NEBL: variants seen among roughly 807,000 people sequenced by gnomAD.
NEBL encodes the protein nebulette.
Under a neutral mutation model 140.2 loss-of-function variants are expected in NEBL, and 122 were observed. That is an observed-to-expected ratio of 0.87 (90% CI 0.75 to 1.01). The LOEUF is 1.01. Ranked by LOEUF, NEBL falls within the 50% of genes least tolerant of loss-of-function variation. NEBL has a pLI of 0.00. For missense variants in NEBL, 1,365 were observed against 1,231.3 expected (o/e 1.11, Z -1.62); for synonymous variants, 436 against 398.9 (o/e 1.09, Z -1.11).
chr10:21,112,119 G>C (rs1838042808), intron 2 of NEBL, among the ~76,000 whole-genome samples: 1 of 152,212 alleles, frequency 6.6e-6, no homozygotes, highest in African/African-American at 2.4e-5. Flanking sequence ...TGGAGAAATA[G>C]GAATGCTTTT....
intron 2 of NEBL, among the ~76,000 whole-genome samples, chr10:21,096,488 A>ACTGT (rs748408440): frequency 7.2e-4 from 102 of 141,578 alleles, no homozygotes; most frequent in Non-Finnish European, 8.3e-4. Flanking sequence ...CTTGGTTTTG[A>ACTGT]GTGTGTGTGT....
intron 3 of NEBL, among the ~76,000 whole-genome samples, chr10:21,235,594 C>T (rs895134762): frequency 2.0e-5 from 3 of 152,130 alleles, no homozygotes; most frequent in East Asian, 3.9e-4. Flanking sequence ...GGATAACAGG[C>T]GTAAGCCACT....
intron 3 of NEBL, among the ~76,000 whole-genome samples, chr10:21,017,971 C>T (rs1417552405): frequency 3.9e-5 from 6 of 152,116 alleles, no homozygotes; most frequent in Admixed American, 2.6e-4. Context: ...CAGGCATCCG[C>T]CACCACTCCC....
At chr10:21,221,143 G>A (rs946435482) in intron 3 of NEBL, among the ~76,000 whole-genome samples, 3 of 152,112 alleles carry the variant, frequency 2.0e-5, no homozygotes, top group Admixed American at 1.3e-4. Context: ...GACAGGGAGA[G>A]ACTCTACCTC....
chr10:21,199,918 C>T (rs1841706732), intron 3 of NEBL, among the ~76,000 whole-genome samples: 1 of 152,042 alleles, frequency 6.6e-6, no homozygotes, highest in Non-Finnish European at 1.5e-5. Flanking sequence ...TTATTGAACA[C>T]AGAGCTGGGG....
At chr10:20,918,265 G>A (rs186738072) in intron 4 of NEBL, among the ~76,000 whole-genome samples, 1 of 152,282 alleles carries the variant, frequency 6.6e-6, no homozygotes, top group Admixed American at 6.5e-5. Context: ...GGCTGAGGCA[G>A]GAGAATCGCT....
At chr10:21,092,677 G>A (rs559973526) in intron 2 of NEBL, among the ~76,000 whole-genome samples, 169 of 151,338 alleles carry the variant, frequency 1.1e-3, no homozygotes, top group Middle Eastern at 6.9e-3. Context: ...TAGCCAACAG[G>A]CCTTACTAAT....
chr10:21,219,752 T>A (rs1426336956), intron 3 of NEBL, among the ~76,000 whole-genome samples: 1 of 152,208 alleles, frequency 6.6e-6, no homozygotes, highest in East Asian at 1.9e-4. Context: ...TGTGTTCTCT[T>A]CAACTACCTT....
At chr10:20,931,174 T>C (rs938890151) in intron 4 of NEBL, among the ~76,000 whole-genome samples, 3 of 152,250 alleles carry the variant, frequency 2.0e-5, no homozygotes, top group African/African-American at 4.8e-5. Flanking sequence ...AAAATTTCAT[T>C]GGGAAGATGT....
At chr10:21,215,323 T>C (rs1252047971) in intron 3 of NEBL, among the ~76,000 whole-genome samples, 1 of 152,100 alleles carries the variant, frequency 6.6e-6, no homozygotes, top group Non-Finnish European at 1.5e-5. Flanking sequence ...AAAAAGAGTT[T>C]TTAAAAGATC....
At chr10:21,063,387 A>G (rs1315792933) in intron 2 of NEBL, among the ~76,000 whole-genome samples, 3 of 152,192 alleles carry the variant, frequency 2.0e-5, no homozygotes, top group Non-Finnish European at 4.4e-5. Context: ...TTAATCACTA[A>G]TAGTCACGAG....
At chr10:21,074,783 G>GAT (rs879704483) in intron 2 of NEBL, among the ~76,000 whole-genome samples, 1 of 143,596 alleles carries the variant, frequency 7.0e-6, no homozygotes, top group Non-Finnish European at 1.5e-5. Flanking sequence ...TGGCCATATA[G>GAT]ATATATATAT....
chr10:20,807,788 T>G (rs1837742060), intron 26 of NEBL, among the ~76,000 whole-genome samples: 1 of 152,150 alleles, frequency 6.6e-6, no homozygotes, highest in Non-Finnish European at 1.5e-5. Context: ...ATAACTGCAA[T>G]GAGGTGAGGA....
In NEBL at chr10:21,040,645, C is replaced by T. The variant is rs183874852; in HGVS notation, c.165-20444G>A. Among the ~76,000 whole-genome samples the T allele has an allele frequency of 2.7e-3, 413 of 152,320 alleles. 2 individuals carry two copies. The highest frequency in any genetic ancestry group is 4.5e-3 in the Non-Finnish European group (303 of 68,020). Reference sequence around the variant, plus strand: ...ATGACCCAAACACCTCCCACCAAACCCCACTACCAACCTTAGGAATCACAT... The same window carrying T: ...ATGACCCAAACACCTCCCACCAAACTCCACTACCAACCTTAGGAATCACAT... On this transcript the variant is annotated intron_variant, in intron 2 of 6. Coordinates refer to the NEBL transcript ENST00000417816.
At chr10:21,148,000 T>C (rs543243879) in intron 2 of NEBL, among the ~76,000 whole-genome samples, 29 of 152,370 alleles carry the variant, frequency 1.9e-4, no homozygotes, top group Middle Eastern at 3.4e-3. Flanking sequence ...CGTTATCTTA[T>C]GGAGTTCACA....
chr10:20,893,524 A>G (rs1564427233), intron 2 of NEBL, among the ~76,000 whole-genome samples: 1 of 152,324 alleles, frequency 6.6e-6, no homozygotes, highest in East Asian at 1.9e-4. Context: ...AGAAAGAGAA[A>G]GAAAGAAAAA....
At chr10:20,856,716 C>A (rs1023633073) in intron 9 of NEBL, among the ~76,000 whole-genome samples, 7 of 152,076 alleles carry the variant, frequency 4.6e-5, no homozygotes, top group African/African-American at 1.7e-4. Context: ...TCTGGGCCCT[C>A]CAGATATTCC....
intron 26 of NEBL, among the ~76,000 whole-genome samples, chr10:20,794,815 T>A (rs1413213821): frequency 6.6e-6 from 1 of 152,198 alleles, no homozygotes; most frequent in Non-Finnish European, 1.5e-5. Context: ...TTCAGGAACA[T>A]CCTTAGTCTC....
Position 20,965,418 on chromosome 10 carries a change from A to T in NEBL, c.250-3639T>A, listed in dbSNP as rs149161384. ...CATTTCAGTAAGGCCTCAAAGAGGGAGGAAGAAAGCCACACAGACTTCTTC... is the reference window on the plus strand; with the variant it reads ...CATTTCAGTAAGGCCTCAAAGAGGGTGGAAGAAAGCCACACAGACTTCTTC... On this transcript the variant is annotated intron_variant, in intron 3 of 6. Coordinates refer to the NEBL transcript ENST00000417816. 2.6e-5 allele frequency among the ~76,000 whole-genome samples: 4 copies of T among 152,302 alleles called. No homozygotes were observed. The East Asian group carries it at 7.7e-4, about 29-fold the overall frequency.
Sources: gnomAD v4.1 joint callset for allele counts (sites outside exome capture counted in the v4.1 genomes callset) on GRCh38, gnomAD v4.1.1 for gene constraint, MANE v1.5 for transcripts, NCBI Gene and HGNC (gene_info 2026-07-23, HGNC 2026-07-21) for gene names.